LRP1B: variants seen among roughly 807,000 people sequenced by gnomAD.
The protein encoded by LRP1B is low-density lipoprotein receptor-related protein 1B.
A neutral mutation model predicts 556.6 loss-of-function variants in LRP1B; 217 were observed. That is an observed-to-expected ratio of 0.39 (90% CI 0.35 to 0.44). The LOEUF (loss-of-function observed/expected upper bound fraction) is 0.44, where lower values mean the gene tolerates loss of function less well. Among genes scored for constraint, LRP1B ranks in the 20% least tolerant of loss-of-function variants. The pLI, the probability that LRP1B is intolerant of heterozygous loss-of-function variation, is 1.00. For missense variants in LRP1B, 5,053 were observed against 5,620.8 expected, an observed-to-expected ratio of 0.90 and a Z score of 3.23; for synonymous variants, 2,047 against 1,865.8, an observed-to-expected ratio of 1.10 and a Z score of -2.50.
At chr2:141,439,860 C>A (rs888486773) in intron 3 of LRP1B, among the ~76,000 whole-genome samples, 9 of 152,070 alleles carry the variant, frequency 5.9e-5, no homozygotes, top group African/African-American at 2.2e-4. Context: ...TAATAACAAA[C>A]CTTAATTTCT....
At chr2:141,859,818 A>C (rs1698182011) in intron 1 of LRP1B, among the ~76,000 whole-genome samples, 1 of 152,170 alleles carries the variant, frequency 6.6e-6, no homozygotes, top group South Asian at 2.1e-4. Context: ...CTGCTAAAAA[A>C]CAGTGGTGAG....
At chr2:141,579,107 G>A (rs1179593303) in intron 2 of LRP1B, among the ~76,000 whole-genome samples, 2 of 152,092 alleles carry the variant, frequency 1.3e-5, no homozygotes, top group Admixed American at 6.5e-5. Context: ...TACATAGGTC[G>A]GCTTTTTCTT....
intron 84 of LRP1B, among the ~76,000 whole-genome samples, chr2:140,279,071 T>C (rs1682809442): frequency 6.6e-6 from 1 of 151,994 alleles, no homozygotes; most frequent in African/African-American, 2.4e-5. Context: ...CCCTTTCTCT[T>C]GCCTCCTTCC....
chr2:140,354,426 G>A (rs1682118388), intron 75 of LRP1B, among the ~76,000 whole-genome samples: 1 of 152,080 alleles, frequency 6.6e-6, no homozygotes, highest in South Asian at 2.1e-4. Context: ...TGATTGAAAT[G>A]TAGAGTAAAG....
intron 1 of LRP1B, among the ~76,000 whole-genome samples, chr2:141,911,943 T>C (rs775688403): frequency 1.3e-5 from 2 of 152,178 alleles, no homozygotes; most frequent in African/African-American, 2.4e-5. Flanking sequence ...CCTACAAGCA[T>C]GCACCACACA....
At chr2:141,078,802 T>C (rs538065455) in intron 7 of LRP1B, among the ~76,000 whole-genome samples, 22 of 152,058 alleles carry the variant, frequency 1.4e-4, no homozygotes, top group Non-Finnish European at 3.1e-4. Context: ...AACAATGCTG[T>C]CAATTAAAAA....
chr2:141,681,947 G>A (rs1691120013), intron 2 of LRP1B, among the ~76,000 whole-genome samples: 2 of 152,176 alleles, frequency 1.3e-5, no homozygotes, highest in Admixed American at 1.3e-4. Flanking sequence ...CAGCCAGACT[G>A]TGTGGAGGAT....
intron 43 of LRP1B, among the ~76,000 whole-genome samples, chr2:140,544,147 G>A (rs201099592): frequency 1.3e-5 from 2 of 151,272 alleles, no homozygotes; most frequent in African/African-American, 4.9e-5. Context: ...AAGTTCAGGG[G>A]TATATGTGCA....
chr2:141,539,378 A>G (rs141403779), intron 2 of LRP1B, among the ~76,000 whole-genome samples: 1,854 of 152,272 alleles, frequency 0.012, 40 homozygotes, highest in African/African-American at 0.042. Flanking sequence ...TATCATGTTC[A>G]TGATCCCACC....
chr2:141,962,165 T>C (rs1701419688), intron 1 of LRP1B, among the ~76,000 whole-genome samples: 1 of 151,734 alleles, frequency 6.6e-6, no homozygotes, highest in African/African-American at 2.4e-5. Context: ...CACAGATCAT[T>C]TGTTGAATAA....
chr2:141,079,950 C>T (rs1177647497), intron 7 of LRP1B, among the ~76,000 whole-genome samples: 6 of 152,184 alleles, frequency 3.9e-5, no homozygotes, highest in Admixed American at 1.3e-4. Context: ...TTAAAGGACT[C>T]GTTCAATATC....
At chr2:141,005,196 A>C in intron 15 of LRP1B, 139 bp downstream of exon 15, 1 of 945,240 alleles carries the variant, frequency 1.1e-6, no homozygotes, top group East Asian at 2.9e-5. Flanking sequence ...TTAATAATTT[A>C]TAGTCTAAAA....
chr2:141,918,492 A>G (rs1428437702), intron 1 of LRP1B, among the ~76,000 whole-genome samples: 2 of 152,060 alleles, frequency 1.3e-5, no homozygotes, highest in Non-Finnish European at 2.9e-5. Flanking sequence ...GAAACTGGAG[A>G]AGAGAAAATT....
At chr2:141,544,816 C>T (rs1196622680) in intron 2 of LRP1B, among the ~76,000 whole-genome samples, 1 of 151,856 alleles carries the variant, frequency 6.6e-6, no homozygotes, top group East Asian at 2.0e-4. Flanking sequence ...CAAATGTGCA[C>T]CACCACTCCC....
intron 3 of LRP1B, among the ~76,000 whole-genome samples, chr2:141,349,524 A>G (rs906569619): frequency 2.0e-5 from 3 of 152,242 alleles, no homozygotes; most frequent in African/African-American, 7.2e-5. Flanking sequence ...AACCCTATTG[A>G]TAATTTTGAG....
At chr2:140,565,906 C>G (rs1681107276) in intron 43 of LRP1B, among the ~76,000 whole-genome samples, 2 of 152,130 alleles carry the variant, frequency 1.3e-5, no homozygotes, top group Admixed American at 6.5e-5. Flanking sequence ...TGGACACTTA[C>G]AGTACTCACC....
intron 1 of LRP1B, among the ~76,000 whole-genome samples, chr2:141,934,861 A>G (rs1028050330): frequency 3.3e-5 from 5 of 152,174 alleles, no homozygotes; most frequent in African/African-American, 7.2e-5. Flanking sequence ...TCTTTCCTTT[A>G]TAAGTTACCC....
At chr2:141,705,044 C>A (rs1692088248) in intron 2 of LRP1B, among the ~76,000 whole-genome samples, 1 of 151,918 alleles carries the variant, frequency 6.6e-6, no homozygotes, top group Non-Finnish European at 1.5e-5. Context: ...GTACCACGTA[C>A]TAATCTAAAC....
intron 71 of LRP1B, among the ~76,000 whole-genome samples, chr2:140,369,775 T>A (rs1682913528): frequency 2.0e-5 from 3 of 151,964 alleles, no homozygotes; most frequent in Admixed American, 2.0e-4. Context: ...TAAAATACTG[T>A]TTTTCTTAGG....
Sources: gnomAD v4.1 joint callset for allele counts (sites outside exome capture counted in the v4.1 genomes callset) on GRCh38, gnomAD v4.1.1 for gene constraint, MANE v1.5 for transcripts, NCBI Gene and HGNC (gene_info 2026-07-23, HGNC 2026-07-21) for gene names.